SLC39A11: variants seen among roughly 807,000 people sequenced by gnomAD.
SLC39A11 encodes solute carrier family 39 member 11.
A neutral mutation model predicts 36.1 loss-of-function variants in SLC39A11; 33 were observed. That is an observed-to-expected ratio of 0.91 (90% CI 0.69 to 1.22). The LOEUF is 1.22. Ranked by LOEUF, SLC39A11 falls within the 50% of genes most tolerant of loss-of-function variation. The probability of loss-of-function intolerance (pLI) is 0.00; values close to 1 mark genes in which losing one functional copy is unlikely to be tolerated. For missense variants in SLC39A11, 432 were observed against 430.3 expected (o/e 1.00, Z -0.03); for synonymous variants, 166 against 170.3 (o/e 0.97, Z 0.20).
chr17:72,751,828 T>C (rs1258531911), intron 6 of SLC39A11, among the ~76,000 whole-genome samples: 18 of 151,984 alleles, frequency 1.2e-4, no homozygotes, highest in Non-Finnish European at 1.5e-5. Context: ...CTGCCTGCCT[T>C]GGCTTCCCAG....
intron 3 of SLC39A11, among the ~76,000 whole-genome samples, chr17:73,039,713 C>CTGTGG (rs1393764508): frequency 2.0e-5 from 3 of 152,050 alleles, no homozygotes; most frequent in Non-Finnish European, 4.4e-5. Context: ...GGAAAAGGGC[C>CTGTGG]AACGCAGAAT....
intron 5 of SLC39A11, among the ~76,000 whole-genome samples, chr17:72,871,746 T>C (rs1256934118): frequency 6.6e-6 from 1 of 152,146 alleles, no homozygotes; most frequent in East Asian, 1.9e-4. Context: ...AATAAATTGA[T>C]TACCTGTAAG....
chr17:72,796,769 G>T (rs1488058907), intron 6 of SLC39A11, among the ~76,000 whole-genome samples: 1 of 152,190 alleles, frequency 6.6e-6, no homozygotes, highest in Non-Finnish European at 1.5e-5. Context: ...AGCCTCCTGA[G>T]TAGCTGGGAT....
At chr17:73,002,412 C>T (rs1009918475) in intron 4 of SLC39A11, among the ~76,000 whole-genome samples, 2 of 152,316 alleles carry the variant, frequency 1.3e-5, no homozygotes, top group East Asian at 3.9e-4. Flanking sequence ...CTACTGGTAA[C>T]TCTGGTGCCT....
chr17:72,698,892 G>A (rs896116165), intron 7 of SLC39A11, among the ~76,000 whole-genome samples: 17 of 152,202 alleles, frequency 1.1e-4, no homozygotes, highest in East Asian at 5.8e-4. Context: ...GTGCAGTGGC[G>A]TGATCTCGGC....
At chr17:73,055,112 G>T (rs984352023) in intron 3 of SLC39A11, among the ~76,000 whole-genome samples, 2 of 152,184 alleles carry the variant, frequency 1.3e-5, no homozygotes, top group African/African-American at 4.8e-5. Context: ...CAACCTGCAT[G>T]ATGCCAGGAG....
intron 5 of SLC39A11, among the ~76,000 whole-genome samples, chr17:72,857,757 T>C (rs1300777913): frequency 6.6e-6 from 1 of 152,232 alleles, no homozygotes; most frequent in African/African-American, 2.4e-5. Context: ...ATTTTTTTCA[T>C]ATGCTTGTTG....
intron 5 of SLC39A11, among the ~76,000 whole-genome samples, chr17:72,926,681 G>C (rs2084067483): frequency 6.6e-6 from 1 of 151,910 alleles, no homozygotes; most frequent in African/African-American, 2.4e-5. Flanking sequence ...CCATTTCCAG[G>C]GAGCCCAATC....
intron 5 of SLC39A11, among the ~76,000 whole-genome samples, chr17:72,917,612 GA>G (rs1214179057): frequency 6.6e-6 from 1 of 152,104 alleles, no homozygotes; most frequent in Admixed American, 6.5e-5. Flanking sequence ...GACATTCCAA[GA>G]AAAAAATTTC....
At position 72,679,883 on chromosome 17, in the gene SLC39A11, A is replaced by C. The variant is rs1001594501; in HGVS notation, c.672-30615T>G. On this transcript the variant is annotated intron_variant, in intron 7 of 9. Coordinates refer to ENST00000255559, the MANE Select transcript of SLC39A11 (RefSeq NM_139177.4). ...ATGGTGAAACCCTGTCTCTACCAAA[A>C]ATACAAAAATTAGCTGGGCGTGGTG... is the stretch of plus-strand genomic sequence containing the variant. 2.0e-5 allele frequency among the ~76,000 whole-genome samples: 3 copies of C among 151,988 alleles called. No homozygotes were observed. In the East Asian group the frequency reaches 5.8e-4, roughly 29 times the overall value.
chr17:72,887,930 A>G (rs1171715312), intron 5 of SLC39A11, among the ~76,000 whole-genome samples: 2 of 152,178 alleles, frequency 1.3e-5, no homozygotes, highest in Non-Finnish European at 2.9e-5. Flanking sequence ...CCCACTTCTC[A>G]ATTGTTTTCA....
chr17:72,692,603 C>G (rs1361276306), intron 7 of SLC39A11, among the ~76,000 whole-genome samples: 1 of 152,190 alleles, frequency 6.6e-6, no homozygotes, highest in Non-Finnish European at 1.5e-5. Flanking sequence ...ACAGGAAAGA[C>G]CAGCTGCTAT....
At chr17:73,023,563 C>G (rs2058431085) in intron 4 of SLC39A11, among the ~76,000 whole-genome samples, 1 of 151,036 alleles carries the variant, frequency 6.6e-6, no homozygotes, top group Non-Finnish European at 1.5e-5. Context: ...GATCTCGGCT[C>G]ACTGCAACCT....
intron 4 of SLC39A11, among the ~76,000 whole-genome samples, chr17:72,980,523 T>A (rs2088220094): frequency 6.6e-6 from 1 of 152,190 alleles, no homozygotes; most frequent in Non-Finnish European, 1.5e-5. Flanking sequence ...AAAAAATACC[T>A]AGACGATGTT....
At chr17:72,682,089 C>T (rs780793492) in intron 7 of SLC39A11, among the ~76,000 whole-genome samples, 1 of 152,182 alleles carries the variant, frequency 6.6e-6, no homozygotes, top group African/African-American at 2.4e-5. Flanking sequence ...CGAACCCTAT[C>T]GTGAACCGCA....
At chr17:73,024,305 C>A (rs1226807667) in intron 4 of SLC39A11, among the ~76,000 whole-genome samples, 1 of 152,160 alleles carries the variant, frequency 6.6e-6, no homozygotes, top group South Asian at 2.1e-4. Context: ...AGTAGAATTG[C>A]CCATCTGGAG....
intron 6 of SLC39A11, among the ~76,000 whole-genome samples, chr17:72,788,199 C>T (rs1195929477): frequency 6.6e-6 from 1 of 152,220 alleles, no homozygotes; most frequent in Non-Finnish European, 1.5e-5. Context: ...CAGGTATTTA[C>T]TCCATACATC....
chr17:73,015,866 G>A (rs535599153), intron 4 of SLC39A11, among the ~76,000 whole-genome samples: 84 of 152,254 alleles, frequency 5.5e-4, no homozygotes, highest in African/African-American at 1.8e-3. Context: ...ACAGGTGTGA[G>A]CCACCGTGCC....
chr17:73,072,760 C>A (rs954049882), intron 3 of SLC39A11, among the ~76,000 whole-genome samples: 1 of 152,202 alleles, frequency 6.6e-6, no homozygotes, highest in South Asian at 2.1e-4. Flanking sequence ...GCCAGGCCAA[C>A]AGTCAGGCTT....
Sources: allele counts gnomAD v4.1 joint callset (sites outside exome capture counted in the v4.1 genomes callset), GRCh38; gene constraint gnomAD v4.1.1; transcripts MANE v1.5; gene names NCBI Gene and HGNC (gene_info 2026-07-23, HGNC 2026-07-21).